The following LCLAT1 variants were observed in gnomAD, a reference collection of about 807,000 sequenced individuals.
LCLAT1 encodes the protein 1-AGP acyltransferase 8.
In LCLAT1, 11 loss-of-function variants were observed where a neutral mutation model predicts 30.7. The observed-to-expected ratio is 0.36, with a 90% CI of 0.23 to 0.59. LCLAT1 has a LOEUF of 0.59. LCLAT1 is among the 20% of genes least tolerant of loss of function. The probability of loss-of-function intolerance (pLI) is 0.77; values close to 1 mark genes in which losing one functional copy is unlikely to be tolerated. For missense variants in LCLAT1, 402 were observed against 458.6 expected, an observed-to-expected ratio of 0.88 and a Z score of 1.13; for synonymous variants, 155 against 151.3, an observed-to-expected ratio of 1.02 and a Z score of -0.18.
chr2:30,486,513 A>G (rs1321018692), intron 1 of LCLAT1, among the ~76,000 whole-genome samples: 4 of 152,106 alleles, frequency 2.6e-5, no homozygotes, highest in Non-Finnish European at 5.9e-5. Context: ...TCACTCTTCC[A>G]GTGTACTGTT....
intron 5 of LCLAT1, among the ~76,000 whole-genome samples, chr2:30,584,739 T>A (rs1199297065): frequency 1.3e-5 from 2 of 152,222 alleles, no homozygotes; most frequent in Non-Finnish European, 2.9e-5. Flanking sequence ...CCATCAGGCC[T>A]CTGTAATAAT....
At chr2:30,606,193 C>T (rs1667441483) in intron 5 of LCLAT1, 1 of 334,606 alleles carries the variant, frequency 3.0e-6, no homozygotes, top group East Asian at 1.5e-4. Context: ...CAATGCTATT[C>T]CCATTAAACT....
rs557472024 is a variant in LCLAT1 at position 30,523,478 on chromosome 2, A to G, written c.-4-2109A>G. Among the ~76,000 whole-genome samples the G allele has an allele frequency of 3.3e-5, 5 of 152,298 alleles. No individual in the cohort carries two copies. The South Asian group carries it at 8.3e-4, about 25-fold the overall frequency. On this transcript the variant is annotated intron_variant, in intron 1 of 5. Transcript: ENST00000379509. ...CCGTTACCCCACTTCTTTAAAGTTT[A>G]GGTCTAGAGTTTAGCAAAAAGCCAG... is the stretch of plus-strand genomic sequence containing the variant.
chr2:30,588,953 A>G (rs1330469560), intron 5 of LCLAT1, among the ~76,000 whole-genome samples: 2 of 152,216 alleles, frequency 1.3e-5, no homozygotes, highest in African/African-American at 4.8e-5. Context: ...GACACAATGA[A>G]ATCCAGTCAA....
intron 3 of LCLAT1, among the ~76,000 whole-genome samples, chr2:30,547,474 T>C (rs1664478541): frequency 6.6e-6 from 1 of 152,166 alleles, no homozygotes; most frequent in African/African-American, 2.4e-5. Flanking sequence ...AAATACCAGA[T>C]ACTGGCTTTC....
At chr2:30,504,020 C>T (rs2148347176) in intron 1 of LCLAT1, among the ~76,000 whole-genome samples, 1 of 152,124 alleles carries the variant, frequency 6.6e-6, no homozygotes, top group Admixed American at 6.5e-5. Context: ...CACAACTGGC[C>T]TCTTTGAGTT....
At chr2:30,551,019 T>C (rs1429979145) in intron 3 of LCLAT1, among the ~76,000 whole-genome samples, 1 of 152,184 alleles carries the variant, frequency 6.6e-6, no homozygotes, top group Non-Finnish European at 1.5e-5. Flanking sequence ...TGCTCTGTCA[T>C]CCAGGTTGGT....
intron 1 of LCLAT1, among the ~76,000 whole-genome samples, chr2:30,510,334 A>G (rs948934071): frequency 6.6e-6 from 1 of 152,124 alleles, no homozygotes; most frequent in African/African-American, 2.4e-5. Flanking sequence ...TTTTCTACCA[A>G]CTACTCTAAC....
chr2:30,572,288 A>G (rs772155331), intron 5 of LCLAT1, among the ~76,000 whole-genome samples: 16 of 152,210 alleles, frequency 1.1e-4, no homozygotes, highest in Non-Finnish European at 2.9e-5. Context: ...TAGAAGCCCT[A>G]TCTATGTACT....
intron 5 of LCLAT1, among the ~76,000 whole-genome samples, chr2:30,633,095 A>G (rs558950951): frequency 6.6e-6 from 1 of 152,334 alleles, no homozygotes; most frequent in East Asian, 1.9e-4. Flanking sequence ...CCAATCTGTC[A>G]TGCTTTATTA....
At position 30,461,769 on chromosome 2, in the gene LCLAT1, A is replaced by AC. The variant is rs202036187; in HGVS notation, c.-5+14387dup. 7.7e-3 allele frequency among the ~76,000 whole-genome samples: 932 copies of AC among 121,306 alleles called. 78 individuals are homozygous for AC. The highest frequency in any genetic ancestry group is 0.012 in the Non-Finnish European group (671 of 55,874). 79.6% of individuals were successfully genotyped at this position (121,306 alleles called of 152,430 possible). ...CTGTGGACCACTTTTTCTAAATTAAACTTTTTTTTTTTTTTTTTTGAGACG... is the reference window on the plus strand; with the variant it reads ...CTGTGGACCACTTTTTCTAAATTAAACCTTTTTTTTTTTTTTTTTTGAGACG... On this transcript the variant is annotated intron_variant, in intron 1 of 5. Transcript: ENST00000379509.
intron 1 of LCLAT1, among the ~76,000 whole-genome samples, chr2:30,519,029 G>A (rs1012249170): frequency 6.6e-6 from 1 of 152,196 alleles, no homozygotes; most frequent in Non-Finnish European, 1.5e-5. Flanking sequence ...TGGCTACAAG[G>A]TTTCCAAACC....
chr2:30,570,855 G>T (rs74374684), intron 5 of LCLAT1, among the ~76,000 whole-genome samples: 9 of 152,188 alleles, frequency 5.9e-5, no homozygotes, highest in African/African-American at 2.2e-4. Flanking sequence ...GGAGGCATCA[G>T]TTGGGGAGTT....
intron 1 of LCLAT1, among the ~76,000 whole-genome samples, chr2:30,521,387 C>T (rs538541819): frequency 2.5e-4 from 37 of 148,956 alleles, no homozygotes; most frequent in African/African-American, 8.4e-4. Flanking sequence ...CTTTCTTGGG[C>T]GAGATCCAAG....
intron 1 of LCLAT1, among the ~76,000 whole-genome samples, chr2:30,468,997 A>G (rs745715493): frequency 1.3e-5 from 2 of 152,190 alleles, no homozygotes; most frequent in South Asian, 4.1e-4. Flanking sequence ...CATTTCCCCA[A>G]TGATGTATGA....
chr2:30,476,173 C>T (rs895761385), intron 1 of LCLAT1, among the ~76,000 whole-genome samples: 1 of 152,182 alleles, frequency 6.6e-6, no homozygotes, highest in Non-Finnish European at 1.5e-5. Flanking sequence ...TTACTCTGTT[C>T]CTGGAGCTGC....
chr2:30,614,993 G>A (rs768044929), intron 5 of LCLAT1, among the ~76,000 whole-genome samples: 3 of 152,152 alleles, frequency 2.0e-5, no homozygotes, highest in Non-Finnish European at 4.4e-5. Context: ...GTGGAATGAT[G>A]AGGGCAGAAG....
intron 5 of LCLAT1, among the ~76,000 whole-genome samples, chr2:30,628,987 T>C (rs1243771773): frequency 6.6e-6 from 1 of 152,138 alleles, no homozygotes; most frequent in African/African-American, 2.4e-5. Context: ...TACAGAGGAC[T>C]AATAATCTGT....
rs751968920 is a variant in LCLAT1, at chr2:30,525,768, C to T, written c.165+13C>T. On this transcript the variant is annotated intron_variant, in intron 2 of 5. Transcript: ENST00000379509. ...CACCCTACCTGTGGTAAGTTACACA[C>T]CAGAGGAGACTGTCTGCTTGTACTA... is the stretch of plus-strand genomic sequence containing the variant. 5 of 1,613,310 alleles carry T rather than the reference C, an allele frequency of 3.1e-6. No individual in the cohort carries two copies. The highest frequency in any genetic ancestry group is 1.6e-4 in the Middle Eastern group (1 of 6,082).
Sources: gnomAD v4.1 joint callset for allele counts (sites outside exome capture counted in the v4.1 genomes callset) on GRCh38, gnomAD v4.1.1 for gene constraint, MANE v1.5 for transcripts, NCBI Gene and HGNC (gene_info 2026-07-23, HGNC 2026-07-21) for gene names.